The following RAB7A variants were observed in gnomAD, a reference collection of about 807,000 sequenced individuals.
The protein encoded by RAB7A is ras-related protein Rab-7a.
RAB7A carries 2 observed loss-of-function variants against 24.5 expected under a neutral mutation model. The ratio of observed to expected loss-of-function variants is 0.08; its 90% CI spans 0.03 to 0.26. The LOEUF is 0.26. RAB7A is among the 10% of genes least tolerant of loss of function. The probability of loss-of-function intolerance (pLI) is 1.00; values close to 1 mark genes in which losing one functional copy is unlikely to be tolerated. For missense variants in RAB7A, 118 were observed against 255.7 expected (o/e 0.46, Z 3.67); for synonymous variants, 100 against 95.9 (o/e 1.04, Z -0.25).
At chr3:128,737,186 C>T (rs958881192) in intron 1 of RAB7A, among the ~76,000 whole-genome samples, 8 of 151,840 alleles carry the variant, frequency 5.3e-5, no homozygotes, top group Middle Eastern at 3.4e-3. Flanking sequence ...TACAGGCGCC[C>T]GCCACCACAC....
intron 1 of RAB7A, among the ~76,000 whole-genome samples, chr3:128,745,999 C>G (rs2107588631): frequency 6.6e-6 from 1 of 152,360 alleles, no homozygotes; most frequent in East Asian, 1.9e-4. Context: ...GCTGTATTGT[C>G]AGGATCCATG....
At chr3:128,767,744 C>G (rs911637826) in intron 1 of RAB7A, among the ~76,000 whole-genome samples, 1 of 152,180 alleles carries the variant, frequency 6.6e-6, no homozygotes, top group East Asian at 1.9e-4. Context: ...AAAGCTGAAG[C>G]TGGAATCCAG....
intron 3 of RAB7A, among the ~76,000 whole-genome samples, chr3:128,799,615 T>C (rs1933657010): frequency 6.6e-6 from 1 of 151,766 alleles, no homozygotes; most frequent in Non-Finnish European, 1.5e-5. Context: ...AGAGCTGGTA[T>C]GAATCTCTCA....
At chr3:128,741,285 A>C (rs2070551149) in intron 1 of RAB7A, among the ~76,000 whole-genome samples, 1 of 152,140 alleles carries the variant, frequency 6.6e-6, no homozygotes, top group Non-Finnish European at 1.5e-5. Flanking sequence ...TTTTTGTAAC[A>C]TAGAGACTTT....
chr3:128,782,035 A>T (rs569726824), intron 1 of RAB7A, among the ~76,000 whole-genome samples: 6 of 152,282 alleles, frequency 3.9e-5, no homozygotes, highest in Non-Finnish European at 8.8e-5. Flanking sequence ...CATGGTTGTG[A>T]TCCTAAAACC....
chr3:128,803,799 TGTG>T lies in RAB7A; in HGVS notation c.181-2569_181-2567del, dbSNP rs140140167. Among the ~76,000 whole-genome samples the T allele has an allele frequency of 8.8e-3, 1,346 of 152,330 alleles. 23 individuals carry two copies. The highest frequency in any genetic ancestry group is 0.03 in the African/African-American group (1,266 of 41,582). On this transcript the variant is annotated intron_variant, in intron 3 of 5. Coordinates refer to ENST00000265062, the MANE Select transcript of RAB7A (RefSeq NM_004637.6). The stretch of plus-strand genomic sequence containing the variant: ...AGGCATCTCTTCAGGAGCATTTACT[TGTG>T]GTGAAGAAGGAAGAAAATGCAATGA...
At chr3:128,739,232 G>A (rs922851932) in intron 1 of RAB7A, among the ~76,000 whole-genome samples, 42 of 152,228 alleles carry the variant, frequency 2.8e-4, no homozygotes, top group Admixed American at 6.5e-4. Flanking sequence ...AAAGCGGGCC[G>A]GGAGTGGTGG....
At chr3:128,801,184 G>A (rs1022181634) in intron 3 of RAB7A, among the ~76,000 whole-genome samples, 1 of 152,176 alleles carries the variant, frequency 6.6e-6, no homozygotes, top group Admixed American at 6.5e-5. Flanking sequence ...CATAGTGCCT[G>A]TAGTTAACAA....
At chr3:128,733,671 T>C (rs1395260726) in intron 1 of RAB7A, among the ~76,000 whole-genome samples, 1 of 152,168 alleles carries the variant, frequency 6.6e-6, no homozygotes, top group Non-Finnish European at 1.5e-5. Context: ...TGTCCTATTC[T>C]CCTTTTCTTT....
intron 1 of RAB7A, among the ~76,000 whole-genome samples, chr3:128,765,842 A>G (rs1387351704): frequency 6.7e-6 from 1 of 148,652 alleles, no homozygotes; most frequent in Non-Finnish European, 1.5e-5. Context: ...GCTCACTGCA[A>G]CCTCCGCCTC....
chr3:128,755,515 T>C (rs1001004658), intron 1 of RAB7A, among the ~76,000 whole-genome samples: 2 of 151,936 alleles, frequency 1.3e-5, no homozygotes, highest in Admixed American at 6.6e-5. Context: ...ATAAATAAAA[T>C]AGAAAAATTC....
At chr3:128,763,258 A>G (rs1166024838) in intron 1 of RAB7A, among the ~76,000 whole-genome samples, 1 of 122,494 alleles carries the variant, frequency 8.2e-6, no homozygotes, top group Non-Finnish European at 1.6e-5. Context: ...TCTGTCGCCC[A>G]GGCTGGAGTG....
intron 1 of RAB7A, among the ~76,000 whole-genome samples, chr3:128,737,825 G>GTGT (rs2070506247): frequency 1.7e-5 from 1 of 59,482 alleles, no homozygotes; most frequent in African/African-American, 6.3e-5. Flanking sequence ...TTTTTTTGTA[G>GTGT]TTTTTTTTTT....
At chr3:128,743,487 A>T (rs1286314196) in intron 1 of RAB7A, among the ~76,000 whole-genome samples, 1 of 152,266 alleles carries the variant, frequency 6.6e-6, no homozygotes, top group Non-Finnish European at 1.5e-5. Context: ...CACTGGGACC[A>T]CAGGTGTGTA....
intron 1 of RAB7A, among the ~76,000 whole-genome samples, chr3:128,790,904 AAACAAC>A (rs570851684): frequency 6.6e-6 from 1 of 152,066 alleles, no homozygotes; most frequent in Non-Finnish European, 1.5e-5. Context: ...CCCACCTCAA[AAACAAC>A]AACAACAACA....
At chr3:128,763,377 G>A (rs2070793501) in intron 1 of RAB7A, among the ~76,000 whole-genome samples, 1 of 151,362 alleles carries the variant, frequency 6.6e-6, no homozygotes, top group South Asian at 2.1e-4. Context: ...ACCACGCCTG[G>A]CTAATTTTTT....
At chr3:128,745,219 C>A (rs753382626) in intron 1 of RAB7A, among the ~76,000 whole-genome samples, 1 of 152,074 alleles carries the variant, frequency 6.6e-6, no homozygotes, top group African/African-American at 2.4e-5. Flanking sequence ...TCAAGTACTG[C>A]GTGTCTACCT....
intron 1 of RAB7A, among the ~76,000 whole-genome samples, chr3:128,784,689 T>C (rs6762861): frequency 0.32 from 48,116 of 152,066 alleles, 10,095 homozygotes; most frequent in African/African-American, 0.6. Context: ...AAACTGTTTG[T>C]TCCCTTTTCC....
intron 1 of RAB7A, among the ~76,000 whole-genome samples, chr3:128,742,969 G>C (rs2070569767): frequency 1.3e-5 from 2 of 152,236 alleles, no homozygotes; most frequent in Non-Finnish European, 2.9e-5. Flanking sequence ...AGGCGCTGCA[G>C]AGCAGGGGGC....
Sources: allele counts gnomAD v4.1 joint callset (sites outside exome capture counted in the v4.1 genomes callset), GRCh38; gene constraint gnomAD v4.1.1; transcripts MANE v1.5; gene names NCBI Gene and HGNC (gene_info 2026-07-23, HGNC 2026-07-21).